TSPOAP1: variants seen among roughly 807,000 people sequenced by gnomAD.
The protein encoded by TSPOAP1 is peripheral-type benzodiazepine receptor-associated protein 1.
Under a neutral mutation model 197.0 loss-of-function variants are expected in TSPOAP1, and 87 were observed. That is an observed-to-expected ratio of 0.44 (90% CI 0.37 to 0.53). The LOEUF is 0.53. Among genes scored for constraint, TSPOAP1 ranks in the 20% least tolerant of loss-of-function variants. The probability of loss-of-function intolerance (pLI) is 0.00; values close to 1 mark genes in which losing one functional copy is unlikely to be tolerated. For synonymous variants in TSPOAP1, 913 were observed against 998.9 expected (o/e 0.91, Z 1.62); for missense variants, 2,174 against 2,411.3 (o/e 0.90, Z 2.06).
At position 58,307,846 on chromosome 17, in the gene TSPOAP1, C is replaced by T; in HGVS notation, c.4827G>A (p.Glu1609=). 1 of 1,613,886 alleles carries T rather than the reference C, an allele frequency of 6.2e-7. No homozygotes were observed. The highest frequency in any genetic ancestry group is 8.5e-7 in the Non-Finnish European group (1 of 1,180,014). The change falls in exon 23 of 32, where the codon GAG becomes GAA. Residue 1609 remains glutamate, a synonymous_variant. Transcript: ENST00000343736. ...GVRVLRPSTA[E]LVPARSPSET... ...CCAGCCCCATCAGGTGCTCACCTAG[C>T]TCTGCAGTGCTTGGCCTGAGGACTC...
At chr17:58,306,455 G>T in intron 25 of TSPOAP1, 42 bp from the exon 26 acceptor site, 1 of 1,517,830 alleles carries the variant, frequency 6.6e-7, no homozygotes, top group Non-Finnish European at 8.9e-7. Flanking sequence ...AGGGGAGGTG[G>T]GAGAGACAGG....
Position 58,311,069 on chromosome 17 carries a change from G to T in TSPOAP1, c.3226C>A (p.Pro1076Thr), listed in dbSNP as rs760975543. 2.5e-5 allele frequency: 39 copies of T among 1,579,106 alleles called. No individual in the cohort carries two copies. Among genetic ancestry groups the T allele is most frequent in the Non-Finnish European group, 3.3e-5 (38 of 1,162,908 alleles). ...GGCAGGCTGGCCGGAGCCAGGGCGGGAGTGATAGGAGCCGGGATGGAGTCC... is the reference window on the plus strand; with the variant it reads ...GGCAGGCTGGCCGGAGCCAGGGCGGTAGTGATAGGAGCCGGGATGGAGTCC... ...SADSIPAPITPALAPASLPAR... is the reference protein window; with the variant it reads ...SADSIPAPITTALAPASLPAR... The change falls in exon 19 of 32, where the codon CCC (proline) becomes ACC (threonine). Residue 1076 changes from proline to threonine, a missense_variant. Transcript: ENST00000343736.
In TSPOAP1 at chr17:58,324,668, CG is replaced by C. The variant is rs1248189811; in HGVS notation, c.942+142del. The stretch of plus-strand genomic sequence containing the variant: ...GCTTGGAGGTGGACCCTGCCCAGGA[CG>C]GGAAAGCTCCCCAGCCCCTGGGAGT... On this transcript the variant is annotated intron_variant, in intron 5 of 31. Coordinates refer to ENST00000343736, the MANE Select transcript of TSPOAP1 (RefSeq NM_004758.4). The surrounding 1 kb of genome is among the most constrained non-coding windows in gnomAD (Gnocchi z 5.8). The C allele has an allele frequency of 1.5e-6, 1 of 679,608 alleles. No individual in the cohort carries two copies. The highest frequency in any genetic ancestry group is 2.2e-6 in the Non-Finnish European group (1 of 458,108). 42.1% of individuals were successfully genotyped at this position (679,608 alleles called of 1,614,324 possible). A position where few individuals can be genotyped will look rare whatever the true frequency, so the allele number is the denominator to read the frequency against.
chr17:58,323,446 C>T (rs1262649221), intron 6 of TSPOAP1, 22 bp downstream of exon 6: 1 of 1,614,246 alleles, frequency 6.2e-7, no homozygotes, highest in Non-Finnish European at 8.5e-7. Flanking sequence ...AGGCTGCCTC[C>T]AGCCCTTGAC....
rs1363927424 is a variant in TSPOAP1, at chr17:58,310,596, G to A, written c.3615C>T (p.Thr1205=). 1.9e-6 allele frequency: 3 copies of A among 1,613,358 alleles called. No homozygotes were observed. The highest frequency in any genetic ancestry group is 2.5e-6 in the Non-Finnish European group (3 of 1,180,040). ...AGEACPASSS[T]QGARAQQAPN... Reference sequence around the variant, plus strand: ...GCGCCTGCTGGGCCCGTGCTCCCTGGGTGGAGCTGGAGGCCGGACAGGCCT... The same window carrying A: ...GCGCCTGCTGGGCCCGTGCTCCCTGAGTGGAGCTGGAGGCCGGACAGGCCT... The change falls in exon 20 of 32, where the codon ACC becomes ACT. Residue 1205 remains threonine (T), a synonymous_variant. Coordinates refer to ENST00000343736, the MANE Select transcript of TSPOAP1 (RefSeq NM_004758.4).
At chr17:58,320,660 G>C (rs1275368202) in intron 10 of TSPOAP1, 79 bp from the exon 11 acceptor site, 1 of 1,154,924 alleles carries the variant, frequency 8.7e-7, no homozygotes, top group African/African-American at 1.6e-5. Flanking sequence ...AGGGAGGAAG[G>C]GTAGAAAGGA....
chr17:58,305,294 T>C, intron 29 of TSPOAP1, 93 bp downstream of exon 29: 2 of 1,532,384 alleles, frequency 1.3e-6, no homozygotes, highest in Non-Finnish European at 1.8e-6. Context: ...ACCCGTTCCA[T>C]TCCTCCGGAC....
Position 58,306,903 on chromosome 17 carries a change from A to G in TSPOAP1, c.5049T>C (p.Ile1683=). 6.2e-7 allele frequency: 1 copy of G among 1,613,468 alleles called. No individual in the cohort carries two copies. Among genetic ancestry groups the G allele is most frequent in the South Asian group, 1.1e-5 (1 of 91,074 alleles). ...QGEGGGRTGY[I]PCNMVAEVAV... The stretch of plus-strand genomic sequence containing the variant: ...CCACCTCAGCCACCATGTTGCAGGG[A>G]ATGTAGCCTGTCCGGCCCCCACCTT... The change falls in exon 25 of 32, where the codon ATT becomes ATC. Residue 1683 remains isoleucine, a synonymous_variant. Transcript: ENST00000343736.
rs772183800 is a variant in TSPOAP1 at position 58,322,953 on chromosome 17, C to T, written c.1191G>A (p.Glu397=). 3.1e-6 allele frequency: 5 copies of T among 1,610,014 alleles called. No homozygotes were observed. The South Asian group carries it at 3.3e-5, about 11-fold the overall frequency. The change falls in exon 8 of 32, where the codon GAG becomes GAA. Residue 397 remains glutamate (E), a synonymous_variant. Coordinates refer to ENST00000343736, the MANE Select transcript of TSPOAP1 (RefSeq NM_004758.4). The surrounding 1 kb of genome is among the most constrained non-coding windows in gnomAD (Gnocchi z 5.0). ...AGCACCTGGGCGGAAGTGGTACCTGCTCCTTCTCTGTGGCTCTCCCACTGA... is the reference window on the plus strand; with the variant it reads ...AGCACCTGGGCGGAAGTGGTACCTGTTCCTTCTCTGTGGCTCTCCCACTGA... ...SRLSGRATEK[E]QVEWENAELR... is the part of the protein sequence containing the mutation.
intron 22 of TSPOAP1, among the ~76,000 whole-genome samples, chr17:58,308,248 A>G (rs1409174904): frequency 6.6e-6 from 1 of 152,266 alleles, no homozygotes; most frequent in African/African-American, 2.4e-5. Context: ...TGGACATGGC[A>G]TCACAGTCAG....
intron 10 of TSPOAP1, 39 bp from the exon 11 acceptor site, chr17:58,320,620 A>T: frequency 7.2e-7 from 1 of 1,387,872 alleles, no homozygotes; most frequent in Admixed American, 3.3e-5. Flanking sequence ...AGGGAAGGAG[A>T]AGGAATGGGG....
rs751507621 is a variant in TSPOAP1, at chr17:58,312,648, T to A, written c.2173A>T (p.Thr725Ser). 1.1e-5 allele frequency: 17 copies of A among 1,612,996 alleles called. No individual in the cohort carries two copies. Among genetic ancestry groups the A allele is most frequent in the Non-Finnish European group, 1.3e-5 (15 of 1,179,920 alleles). Residue 725 changes from threonine (T) to serine (S), a missense_variant, in exon 17 of 32, where the codon ACC becomes TCC. By Grantham distance (58) the Thr-to-Ser change is moderately conservative. This residue lies in a region of TSPOAP1 where 1,933 missense variants were observed against 2,139.0 expected (regional missense o/e 0.90). Coordinates refer to ENST00000343736, the MANE Select transcript of TSPOAP1 (RefSeq NM_004758.4). ...TCGGCCAGCTCTGGAGGGAGGGAGG[T>A]CAGGAGGTCATCATCCGACACACGC... is the stretch of plus-strand genomic sequence containing the variant. Reference protein sequence around the residue: ...VERVSDDDLLTSLPPELADLS... With the variant: ...VERVSDDDLLSSLPPELADLS...
rs550071261 is a variant in TSPOAP1, at chr17:58,327,910, A to G, written c.11T>C (p.Leu4Pro). MEQ[L>P]TTLPRPGDPG... ...GTCCCCAGGCCGTGGGAGGGTTGTC[A>G]GTTGCTCCATGGTACTGCCAAGGGG... Residue 4 changes from leucine to proline, a missense_variant, in exon 1 of 32, where the codon CTG becomes CCG. Transcript: ENST00000343736. 4 of 1,599,736 alleles carry G rather than the reference A, an allele frequency of 2.5e-6. No homozygotes were observed. Among genetic ancestry groups the G allele is most frequent in the African/African-American group, 1.3e-5 (1 of 74,800 alleles).
In TSPOAP1 at chr17:58,322,099, C is replaced by T. The variant is rs1320181231; in HGVS notation, c.1422+209G>A. On this transcript the variant is annotated intron_variant, in intron 10 of 31. Coordinates refer to ENST00000343736, the MANE Select transcript of TSPOAP1 (RefSeq NM_004758.4). The surrounding 1 kb of genome is among the most constrained non-coding windows in gnomAD (Gnocchi z 5.0). ...ATCCCAGTCACTTTGTCACATCACCCTGTTCTTCTCCACCACTGTGCTCAT... is the reference window on the plus strand; with the variant it reads ...ATCCCAGTCACTTTGTCACATCACCTTGTTCTTCTCCACCACTGTGCTCAT... 7.0e-6 allele frequency: 4 copies of T among 572,372 alleles called. No individual in the cohort carries two copies. The East Asian group carries it at 1.2e-4, about 17-fold the overall frequency. The allele number at this position is 572,372 out of a possible 1,614,324, so 35.5% of individuals were successfully genotyped here. A position where few individuals can be genotyped will look rare whatever the true frequency, so the allele number is the denominator to read the frequency against.
chr17:58,324,880 CGGGA>C lies in TSPOAP1; in HGVS notation c.869_872del (p.Leu290ArgfsTer36). 6.5e-7 allele frequency: 1 copy of C among 1,531,502 alleles called. No homozygotes were observed. The highest frequency in any genetic ancestry group is 8.7e-7 in the Non-Finnish European group (1 of 1,144,152). 94.9% of individuals were successfully genotyped at this position (1,531,502 alleles called of 1,614,324 possible). A position where few individuals can be genotyped will look rare whatever the true frequency, so the allele number is the denominator to read the frequency against. On this transcript the variant is annotated frameshift_variant, in exon 5 of 32. Transcript: ENST00000343736. LOFTEE classifies it high-confidence loss of function. The surrounding 1 kb of genome is among the most constrained non-coding windows in gnomAD (Gnocchi z 5.8). ...GAGCAGGGCCCGGGGGCCAGGACGG[CGGGA>C]GCGGGAGCGTCTCCCGCTGGTTGCG...
At chr17:58,316,185 C>T in intron 15 of TSPOAP1, 53 bp from the exon 16 acceptor site, 1 of 1,400,750 alleles carries the variant, frequency 7.1e-7, no homozygotes, top group Non-Finnish European at 1.0e-6. Context: ...ACTCCACTTC[C>T]ATGTCCTGTC....
intron 18 of TSPOAP1, 76 bp from the exon 19 acceptor site, chr17:58,311,289 G>A: frequency 1.3e-6 from 2 of 1,558,720 alleles, no homozygotes; most frequent in Non-Finnish European, 1.7e-6. Flanking sequence ...GACAGCAGTG[G>A]CAGCTAACTG....
Position 58,326,497 on chromosome 17 carries a change from G to T in TSPOAP1, c.442-76C>A, listed in dbSNP as rs1971615644. 3 of 1,586,222 alleles carry T rather than the reference G, an allele frequency of 1.9e-6. No homozygotes were observed. Among genetic ancestry groups the T allele is most frequent in the Admixed American group, 3.5e-5 (2 of 57,142 alleles). ...CCAGTCCTAACAGCCCAAGTCTTGG[G>T]CTAGAGCCCTAGGCTCACAGTGGGG... On this transcript the variant is annotated intron_variant, in intron 2 of 31. Coordinates refer to ENST00000343736, the MANE Select transcript of TSPOAP1 (RefSeq NM_004758.4). This position sits in a 1 kb window ranked among gnomAD's most constrained non-coding sequence, Gnocchi z 4.7.
At chr17:58,319,355 C>T in intron 12 of TSPOAP1, 61 bp from the exon 13 acceptor site, 4 of 1,500,466 alleles carry the variant, frequency 2.7e-6, no homozygotes, top group Admixed American at 2.0e-5. Flanking sequence ...CCAGCCCGTG[C>T]CATCTGTACA....
Sources: allele counts gnomAD v4.1 joint callset (sites outside exome capture counted in the v4.1 genomes callset), GRCh38; gene constraint gnomAD v4.1.1; regional missense constraint gnomAD v4.1.1; non-coding constraint Gnocchi (gnomAD v3.1); transcripts MANE v1.5; gene names NCBI Gene and HGNC (gene_info 2026-07-23, HGNC 2026-07-21).